Variants in UNC80 observed in about 807,000 individuals in gnomAD.
UNC80 encodes protein unc-80 homolog.
In UNC80, 164 loss-of-function variants were observed where a neutral mutation model predicts 384.6. The observed-to-expected ratio is 0.43, with a 90% confidence interval of 0.38 to 0.49. UNC80 has a LOEUF of 0.49. UNC80 is among the 20% of genes least tolerant of loss of function. The probability of loss-of-function intolerance (pLI) is 0.00; values close to 1 mark genes in which losing one functional copy is unlikely to be tolerated. For missense variants in UNC80, 3,330 were observed against 4,143.0 expected, an observed-to-expected ratio of 0.80 and a Z score of 5.39; for synonymous variants, 1,486 against 1,527.8, an observed-to-expected ratio of 0.97 and a Z score of 0.64.
intron 48 of UNC80, among the ~76,000 whole-genome samples, chr2:209,957,365 A>G (rs1297237562): frequency 1.3e-5 from 2 of 152,148 alleles, no homozygotes; most frequent in Non-Finnish European, 2.9e-5. Flanking sequence ...ATATTTCATA[A>G]ATGTCTTGTT....
At chr2:209,799,082 AGT>A (rs1424146531) in intron 7 of UNC80, among the ~76,000 whole-genome samples, 1 of 29,736 alleles carries the variant, frequency 3.4e-5, no homozygotes, top group African/African-American at 9.1e-5. Flanking sequence ...AAATAAAATA[AGT>A]GTTTTTTTTT....
At chr2:209,847,842 A>C (rs1044049700) in intron 21 of UNC80, among the ~76,000 whole-genome samples, 1 of 151,988 alleles carries the variant, frequency 6.6e-6, no homozygotes, top group Non-Finnish European at 1.5e-5. Context: ...TTCCATTACA[A>C]ATTTTAGGCA....
intron 29 of UNC80, among the ~76,000 whole-genome samples, chr2:209,911,643 G>A (rs879401002): frequency 6.6e-6 from 1 of 151,954 alleles, no homozygotes; most frequent in African/African-American, 2.4e-5. Context: ...AAGAAGTTCA[G>A]TTTTTTTTCC....
At chr2:209,901,036 T>A (rs1025278257) in intron 28 of UNC80, among the ~76,000 whole-genome samples, 1 of 152,194 alleles carries the variant, frequency 6.6e-6, no homozygotes, top group East Asian at 1.9e-4. Flanking sequence ...AACATAAAAG[T>A]GCAAGGTGAA....
intron 35 of UNC80, among the ~76,000 whole-genome samples, chr2:209,924,277 G>A (rs1342497958): frequency 2.6e-5 from 4 of 151,976 alleles, no homozygotes; most frequent in African/African-American, 9.7e-5. Flanking sequence ...TTTTATTATT[G>A]TGTTGCTATT....
intron 18 of UNC80, among the ~76,000 whole-genome samples, chr2:209,835,380 G>A (rs566488430): frequency 1.6e-3 from 248 of 152,284 alleles, no homozygotes; most frequent in African/African-American, 5.7e-3. Flanking sequence ...ATGAATGGCT[G>A]TCAATATACT....
At chr2:209,908,595 A>G (rs1215088650) in intron 29 of UNC80, among the ~76,000 whole-genome samples, 1 of 152,210 alleles carries the variant, frequency 6.6e-6, no homozygotes, top group East Asian at 1.9e-4. Context: ...TTCAACCAAA[A>G]AGGAGAGAGG....
intron 25 of UNC80, among the ~76,000 whole-genome samples, chr2:209,885,588 A>G (rs1448428373): frequency 1.3e-5 from 2 of 152,110 alleles, no homozygotes; most frequent in East Asian, 3.9e-4. Context: ...AAAGGGATTA[A>G]TTTCAGGGAA....
intron 54 of UNC80, among the ~76,000 whole-genome samples, 198 bp from the exon 55 acceptor site, chr2:209,972,003 T>A (rs2092900388): frequency 6.6e-6 from 1 of 152,240 alleles, no homozygotes; most frequent in African/African-American, 2.4e-5. Context: ...TTTTTAGGTG[T>A]ATAGCTCTCA....
Position 209,976,900 on chromosome 2 carries a change from G to T in UNC80, c.8773-13G>T. On this transcript the variant is annotated splice_polypyrimidine_tract_variant and intron_variant, in intron 57 of 64. Coordinates refer to ENST00000673920, the MANE Select transcript of UNC80 (RefSeq NM_001371986.1). This position sits in a 1 kb window ranked among gnomAD's most constrained non-coding sequence, Gnocchi z 4.3. ...AAAATTGAGGCCCTGAGAATGTTAT[G>T]CCTTCCTTTCAGCTGCTGGCCCAAC... 6.6e-7 allele frequency: 1 copy of T among 1,504,998 alleles called. No individual in the cohort carries two copies. Among genetic ancestry groups the T allele is most frequent in the Non-Finnish European group, 9.0e-7 (1 of 1,110,528 alleles). The allele number at this position is 1,504,998 out of a possible 1,614,324, so 93.2% of individuals were successfully genotyped here.
rs73078916 is a variant in UNC80 at position 209,872,565 on chromosome 2, G to T, written c.3628-193G>T. On this transcript the variant is annotated intron_variant, in intron 22 of 64. Transcript: ENST00000673920. The surrounding 1 kb of genome is among the most constrained non-coding windows in gnomAD (Gnocchi z 4.1). Reference sequence around the variant, plus strand: ...CTAATCCTTCAAGATCCACATTTTTGGGGGGGATTTTGCTTTCCAGATTTC... The same window carrying T: ...CTAATCCTTCAAGATCCACATTTTTTGGGGGGATTTTGCTTTCCAGATTTC... Among the ~76,000 whole-genome samples the T allele has an allele frequency of 0.066, 10,107 of 152,026 alleles. 1,134 individuals are homozygous for T. The highest frequency in any genetic ancestry group is 0.23 in the African/African-American group (9,548 of 41,374).
intron 3 of UNC80, among the ~76,000 whole-genome samples, chr2:209,776,929 T>C (rs1223608748): frequency 6.6e-6 from 1 of 152,206 alleles, no homozygotes; most frequent in Non-Finnish European, 1.5e-5. Context: ...ATCACTCCTA[T>C]AGAGGGACCT....
intron 36 of UNC80, among the ~76,000 whole-genome samples, chr2:209,928,953 T>C (rs2090641115): frequency 6.6e-6 from 1 of 152,214 alleles, no homozygotes; most frequent in Non-Finnish European, 1.5e-5. Flanking sequence ...CCTGGCTTAT[T>C]TCACATGTAA....
At chr2:209,918,422 A>T (rs1575011630) in intron 32 of UNC80, 110 bp from the exon 33 acceptor site, 3 of 1,249,174 alleles carry the variant, frequency 2.4e-6, no homozygotes, top group Non-Finnish European at 2.2e-6. Flanking sequence ...TTCTGTGTGA[A>T]GTCACTTGGA....
intron 35 of UNC80, among the ~76,000 whole-genome samples, chr2:209,923,072 A>G (rs1279344707): frequency 6.6e-6 from 1 of 152,098 alleles, no homozygotes; most frequent in Non-Finnish European, 1.5e-5. Context: ...ATTTGCAAAT[A>G]TTTTCTCCCA....
At chr2:209,842,315 T>A in intron 20 of UNC80, 35 bp from the exon 21 acceptor site, 6 of 1,454,324 alleles carry the variant, frequency 4.1e-6, no homozygotes, top group Non-Finnish European at 4.7e-6. Flanking sequence ...CTTTGAATCT[T>A]ATCTCTCTAC....
Position 209,809,550 on chromosome 2 carries a change from A to G in UNC80, c.939-4030A>G, listed in dbSNP as rs1022131401. The G allele has an allele frequency of 4.4e-5, 42 of 949,168 alleles. No homozygotes were observed. The Admixed American group carries it at 6.0e-4, about 14-fold the overall frequency. 58.8% of individuals were successfully genotyped at this position (949,168 alleles called of 1,614,324 possible). Reference sequence around the variant, plus strand: ...GAATGGCCCTGCTCCACAAGCACCAAGAGTCGGGCTGCTCAGGGGGCCCTC... The same window carrying G: ...GAATGGCCCTGCTCCACAAGCACCAGGAGTCGGGCTGCTCAGGGGGCCCTC... On this transcript the variant is annotated intron_variant, in intron 7 of 64. Coordinates refer to ENST00000673920, the MANE Select transcript of UNC80 (RefSeq NM_001371986.1).
rs898258365 is a variant in UNC80 at position 209,997,524 on chromosome 2, CAAAG to C, written c.*1932_*1935del. 2.0e-5 allele frequency: 3 copies of C among 152,084 alleles called. No homozygotes were observed. Among genetic ancestry groups the C allele is most frequent in the African/African-American group, 7.2e-5 (3 of 41,404 alleles). 9.4% of individuals were successfully genotyped at this position (152,084 alleles called of 1,614,324 possible). The stretch of plus-strand genomic sequence containing the variant: ...ATAATTGTATGAAATATTTAAATAG[CAAAG>C]AAGTCAAAGAAGATTGTTAAATATT... On this transcript the variant is annotated 3_prime_UTR_variant, in exon 65 of 65. Coordinates refer to ENST00000673920, the MANE Select transcript of UNC80 (RefSeq NM_001371986.1).
chr2:209,796,650 A>G (rs940442619), intron 7 of UNC80: 1 of 155,136 alleles, frequency 6.4e-6, no homozygotes, highest in Non-Finnish European at 1.4e-5. Context: ...GTCTCAGTGA[A>G]TAAGTCTCAC....
Sources: gnomAD v4.1 joint callset for allele counts (sites outside exome capture counted in the v4.1 genomes callset) on GRCh38, gnomAD v4.1.1 for gene constraint, Gnocchi (gnomAD v3.1) non-coding constraint, MANE v1.5 for transcripts, NCBI Gene and HGNC (gene_info 2026-07-23, HGNC 2026-07-21) for gene names.